Variants in DST observed in about 807,000 individuals in gnomAD.
DST encodes the protein bullous pemphigoid antigen.
A neutral mutation model predicts 875.2 loss-of-function variants in DST; 253 were observed. The observed-to-expected ratio is 0.29, with a 90% CI of 0.26 to 0.32. The LOEUF is 0.32. Among genes scored for constraint, DST ranks in the 10% least tolerant of loss-of-function variants. DST has a pLI of 1.00. For missense variants in DST, 8,287 were observed against 9,111.6 expected (o/e 0.91, Z 3.68); for synonymous variants, 3,124 against 3,197.1 (o/e 0.98, Z 0.77).
chr6:56,782,000 G>A (rs1250577463), intron 4 of DST, among the ~76,000 whole-genome samples: 1 of 152,012 alleles, frequency 6.6e-6, no homozygotes, highest in Non-Finnish European at 1.5e-5. Flanking sequence ...TTTGTCTTTG[G>A]TTCTGTTTAT....
At chr6:56,763,737 G>C (rs368305586) in intron 4 of DST, among the ~76,000 whole-genome samples, 2 of 138,086 alleles carry the variant, frequency 1.4e-5, no homozygotes, top group South Asian at 4.9e-4. Flanking sequence ...ATAGGGATGG[G>C]TGGGGGTGGG....
intron 3 of DST, among the ~76,000 whole-genome samples, chr6:56,868,540 A>T (rs1280182438): frequency 6.6e-6 from 1 of 152,226 alleles, no homozygotes; most frequent in African/African-American, 2.4e-5. Context: ...ACCCTCTCCC[A>T]ATGCCACAAC....
Position 56,800,365 on chromosome 6 carries a change from G to C in DST, c.625+51032C>G, listed in dbSNP as rs146715448. On this transcript the variant is annotated intron_variant, in intron 4 of 103. Coordinates refer to ENST00000680361, the MANE Select transcript of DST (RefSeq NM_001374736.1). ...AGTCAACTCTATTGATATAATTCTA[G>C]TTCATTTTCTTAACTGTACATAGTA... 1.8e-3 allele frequency among the ~76,000 whole-genome samples: 267 copies of C among 152,220 alleles called. 2 individuals are homozygous for C. The highest frequency in any genetic ancestry group is 2.7e-3 in the Non-Finnish European group (181 of 68,006).
intron 97 of DST, 120 bp downstream of exon 97, chr6:56,469,763 T>C: frequency 1.2e-6 from 1 of 835,352 alleles, no homozygotes; most frequent in Non-Finnish European, 2.0e-6. Flanking sequence ...TACCATTAAA[T>C]TTTGACATGA....
intron 3 of DST, among the ~76,000 whole-genome samples, chr6:56,867,803 A>T (rs1188225120): frequency 1.3e-5 from 2 of 152,062 alleles, no homozygotes. Context: ...ACTGCACTCC[A>T]GTCTGGCGAC....
At chr6:56,936,658 G>A (rs1280962096) in intron 2 of DST, among the ~76,000 whole-genome samples, 1 of 151,978 alleles carries the variant, frequency 6.6e-6, no homozygotes. Flanking sequence ...CTGGATGCAA[G>A]TGCGGTCACA....
intron 3 of DST, among the ~76,000 whole-genome samples, chr6:56,852,570 A>G (rs1321653134): frequency 6.6e-6 from 1 of 152,232 alleles, no homozygotes; most frequent in African/African-American, 2.4e-5. Flanking sequence ...ACAAGATGTT[A>G]TTCCTTCCTT....
chr6:56,950,068 T>C (rs1206143160), intron 2 of DST, among the ~76,000 whole-genome samples: 2 of 152,200 alleles, frequency 1.3e-5, no homozygotes, highest in African/African-American at 4.8e-5. Context: ...GGGCATATTA[T>C]TCTCTGGGCT....
At chr6:56,950,717 G>T (rs1008463067) in intron 2 of DST, among the ~76,000 whole-genome samples, 2 of 152,130 alleles carry the variant, frequency 1.3e-5, no homozygotes, top group Non-Finnish European at 2.9e-5. Flanking sequence ...ACATATTTCT[G>T]TCTATTACTG....
At chr6:56,856,203 A>T (rs1306296418) in intron 3 of DST, among the ~76,000 whole-genome samples, 1 of 152,204 alleles carries the variant, frequency 6.6e-6, no homozygotes, top group Non-Finnish European at 1.5e-5. Context: ...TAACTTCTTT[A>T]ACTGAAACCC....
chr6:56,780,410 T>C (rs1490049536), intron 4 of DST, among the ~76,000 whole-genome samples: 2 of 151,582 alleles, frequency 1.3e-5, no homozygotes, highest in African/African-American at 4.9e-5. Flanking sequence ...TTTTTAATGA[T>C]TGCCATTCTA....
At position 56,826,804 on chromosome 6, in the gene DST, C is replaced by T. The variant is rs542829307; in HGVS notation, c.625+24593G>A. Among the ~76,000 whole-genome samples, 4 of 152,310 alleles carry T rather than the reference C, an allele frequency of 2.6e-5. No homozygotes were observed. The East Asian group carries it at 7.7e-4, about 29-fold the overall frequency. On this transcript the variant is annotated intron_variant, in intron 4 of 103. Transcript: ENST00000680361. ...CGATAAATATCTTTGCACTTAAATT[C>T]TACCCACAGGAAAGATTCTGAAATA...
chr6:56,838,672 G>T (rs1209595962), intron 4 of DST, among the ~76,000 whole-genome samples: 1 of 152,160 alleles, frequency 6.6e-6, no homozygotes, highest in Non-Finnish European at 1.5e-5. Flanking sequence ...AAGAGCATCA[G>T]TAGAAGTTTA....
intron 4 of DST, among the ~76,000 whole-genome samples, chr6:56,784,723 C>G (rs2099701504): frequency 6.6e-6 from 1 of 152,224 alleles, no homozygotes; most frequent in Non-Finnish European, 1.5e-5. Context: ...CTTCTCTCAA[C>G]TCGTCAAAGT....
chr6:56,892,230 C>T (rs1203195835), intron 3 of DST, among the ~76,000 whole-genome samples: 15 of 151,908 alleles, frequency 9.9e-5, no homozygotes, highest in Non-Finnish European at 1.5e-5. Context: ...TTGTATTTCT[C>T]TCATATAAAT....
intron 61 of DST, among the ~76,000 whole-genome samples, chr6:56,539,408 C>T (rs2097081001): frequency 6.6e-6 from 1 of 152,118 alleles, no homozygotes; most frequent in Admixed American, 6.5e-5. Context: ...AAGAAAAAGG[C>T]ATAACTAACA....
chr6:56,799,356 C>CT (rs59690012), intron 4 of DST, among the ~76,000 whole-genome samples: 131 of 143,554 alleles, frequency 9.1e-4, no homozygotes, highest in East Asian at 4.5e-3. Flanking sequence ...AACTATCTCT[C>CT]TTTTTTTTTT....
At chr6:56,640,718 A>C (rs1040850761) in intron 17 of DST, 113 bp from the exon 18 acceptor site, 7 of 892,154 alleles carry the variant, frequency 7.8e-6, no homozygotes, top group Non-Finnish European at 1.3e-5. Flanking sequence ...ATGTTGGCTT[A>C]TCAGTTTTAG....
chr6:56,544,579 A>C (rs907264753), intron 61 of DST, among the ~76,000 whole-genome samples: 1 of 152,220 alleles, frequency 6.6e-6, no homozygotes, highest in Admixed American at 6.5e-5. Flanking sequence ...TGATGTTGTA[A>C]AGACATAGCC....
Sources: allele counts gnomAD v4.1 joint callset (sites outside exome capture counted in the v4.1 genomes callset), GRCh38; gene constraint gnomAD v4.1.1; transcripts MANE v1.5; gene names NCBI Gene and HGNC (gene_info 2026-07-23, HGNC 2026-07-21).